Variants in CABCOCO1 observed in about 807,000 individuals in gnomAD.
The protein encoded by CABCOCO1 is ciliary-associated calcium-binding coiled-coil protein 1.
Under a neutral mutation model 35.7 loss-of-function variants are expected in CABCOCO1, and 28 were observed. The observed-to-expected ratio is 0.78, with a 90% CI of 0.58 to 1.07. CABCOCO1 has a LOEUF of 1.07. CABCOCO1 is among the 50% of genes least tolerant of loss of function. The probability of loss-of-function intolerance (pLI) is 0.00; values close to 1 mark genes in which losing one functional copy is unlikely to be tolerated. For missense variants in CABCOCO1, 326 were observed against 309.2 expected (o/e 1.05, Z -0.41); for synonymous variants, 95 against 100.1 (o/e 0.95, Z 0.30).
intron 5 of CABCOCO1, among the ~76,000 whole-genome samples, chr10:61,737,186 A>C (rs1225474434): frequency 1.3e-5 from 2 of 151,930 alleles, no homozygotes; most frequent in East Asian, 3.9e-4. Context: ...TGCGACCAAC[A>C]AGCATATGAA....
At chr10:61,714,981 A>G (rs1840824316) in intron 5 of CABCOCO1, among the ~76,000 whole-genome samples, 1 of 152,174 alleles carries the variant, frequency 6.6e-6, no homozygotes, top group Non-Finnish European at 1.5e-5. Flanking sequence ...AGAAGAATGT[A>G]TATTCTGTTG....
intron 5 of CABCOCO1, among the ~76,000 whole-genome samples, chr10:61,743,489 G>A (rs1033744988): frequency 2.6e-5 from 4 of 151,914 alleles, no homozygotes; most frequent in African/African-American, 9.7e-5. Context: ...ATGTTTCTAA[G>A]AAAATTGACT....
chr10:61,718,179 T>A (rs1418316849), intron 5 of CABCOCO1, among the ~76,000 whole-genome samples: 1 of 152,168 alleles, frequency 6.6e-6, no homozygotes, highest in East Asian at 1.9e-4. Context: ...TCTTCCTACT[T>A]GTTTTCCATA....
chr10:61,707,353 A>T lies in CABCOCO1; in HGVS notation c.552+16732A>T, dbSNP rs372057165. Among the ~76,000 whole-genome samples the T allele has an allele frequency of 2.1e-4, 32 of 152,304 alleles. No homozygotes were observed. In the East Asian group the frequency reaches 6.2e-3, roughly 29 times the overall value. On this transcript the variant is annotated intron_variant, in intron 5 of 7. Transcript: ENST00000648843. The stretch of plus-strand genomic sequence containing the variant: ...TGCTAGGCTGCTAGGCTTGCCATAC[A>T]GTCAATTAGGTTGTTGTGGCAGAAC...
chr10:61,665,743 C>T (rs901807736), intron 1 of CABCOCO1, among the ~76,000 whole-genome samples: 7 of 151,482 alleles, frequency 4.6e-5, no homozygotes, highest in South Asian at 2.1e-4. Context: ...AAAAATTAGC[C>T]GGGCGTGGTA....
intron 5 of CABCOCO1, among the ~76,000 whole-genome samples, chr10:61,718,952 T>C (rs1414625584): frequency 6.6e-6 from 1 of 152,158 alleles, no homozygotes; most frequent in Non-Finnish European, 1.5e-5. Context: ...TCCAGTAAAA[T>C]TGTCAAATGA....
chr10:61,751,054 G>T (rs1450860656), intron 5 of CABCOCO1, among the ~76,000 whole-genome samples: 1 of 152,108 alleles, frequency 6.6e-6, no homozygotes, highest in Non-Finnish European at 1.5e-5. Flanking sequence ...ACTTCACAGA[G>T]TTGATTGAGC....
intron 7 of CABCOCO1, among the ~76,000 whole-genome samples, chr10:61,763,520 A>C (rs1842049907): frequency 6.6e-6 from 1 of 152,080 alleles, no homozygotes; most frequent in Non-Finnish European, 1.5e-5. Context: ...TGTAATAAAA[A>C]TTATACCCAA....
chr10:61,682,894 T>TCTTTTTC (rs10626363), intron 3 of CABCOCO1, among the ~76,000 whole-genome samples: 3 of 147,990 alleles, frequency 2.0e-5, no homozygotes, highest in Non-Finnish European at 3.0e-5. Context: ...AATTTCTTTT[T>TCTTTTTC]TTTTTTTTTT....
chr10:61,730,285 A>C (rs899538727), intron 5 of CABCOCO1, among the ~76,000 whole-genome samples: 2 of 152,078 alleles, frequency 1.3e-5, no homozygotes, highest in African/African-American at 4.8e-5. Context: ...GAATGATGGG[A>C]TCTTGCCCAA....
Position 61,686,226 on chromosome 10 carries a change from T to A in CABCOCO1, c.479+41T>A, listed in dbSNP as rs1839958372. The stretch of plus-strand genomic sequence containing the variant: ...AGTAACATTTATTTTTCATTTCACA[T>A]CTTCTGGAAAATGTCTGTTAAGTAA... On this transcript the variant is annotated intron_variant, in intron 4 of 7. Transcript: ENST00000648843. The A allele has an allele frequency of 2.7e-6, 4 of 1,456,060 alleles. No homozygotes were observed. In the Middle Eastern group the frequency reaches 6.0e-4, roughly 217 times the overall value. 90.2% of individuals were successfully genotyped at this position (1,456,060 alleles called of 1,614,324 possible).
chr10:61,687,620 C>T (rs1840007320), intron 4 of CABCOCO1, among the ~76,000 whole-genome samples: 1 of 152,144 alleles, frequency 6.6e-6, no homozygotes, highest in Non-Finnish European at 1.5e-5. Context: ...CATCTCGTCT[C>T]TCTGGGCAAA....
At chr10:61,741,468 T>C (rs1841548241) in intron 5 of CABCOCO1, among the ~76,000 whole-genome samples, 1 of 152,174 alleles carries the variant, frequency 6.6e-6, no homozygotes, top group Admixed American at 6.5e-5. Flanking sequence ...GTTTCCTGCA[T>C]AAAATAACCT....
chr10:61,680,467 A>T (rs1450574569), intron 2 of CABCOCO1, among the ~76,000 whole-genome samples: 1 of 46,604 alleles, frequency 2.1e-5, no homozygotes, highest in African/African-American at 8.4e-5. Context: ...TAACATATAT[A>T]ATATATATTT....
intron 2 of CABCOCO1, among the ~76,000 whole-genome samples, chr10:61,678,281 T>C (rs1839586371): frequency 6.6e-6 from 1 of 152,176 alleles, no homozygotes; most frequent in South Asian, 2.1e-4. Flanking sequence ...GTTTTCATTA[T>C]TGTGGCAGTT....
At chr10:61,703,831 C>T (rs1477586172) in intron 5 of CABCOCO1, among the ~76,000 whole-genome samples, 1 of 152,148 alleles carries the variant, frequency 6.6e-6, no homozygotes, top group Non-Finnish European at 1.5e-5. Flanking sequence ...ATATCTTTAG[C>T]TTTCTTTAAA....
At chr10:61,747,884 G>A (rs16916563) in intron 5 of CABCOCO1, among the ~76,000 whole-genome samples, 40,537 of 152,020 alleles carry the variant, frequency 0.27, 6,215 homozygotes, top group African/African-American at 0.43. Flanking sequence ...CATCAAGGCT[G>A]TCTTCATGCA....
At chr10:61,668,963 A>G (rs1326877857) in intron 1 of CABCOCO1, among the ~76,000 whole-genome samples, 1 of 149,832 alleles carries the variant, frequency 6.7e-6, no homozygotes. Flanking sequence ...TTCAGCTCCA[A>G]TATGGCTTAG....
intron 2 of CABCOCO1, among the ~76,000 whole-genome samples, chr10:61,680,206 G>A (rs1839667045): frequency 6.6e-6 from 1 of 150,588 alleles, no homozygotes; most frequent in South Asian, 2.1e-4. Context: ...CAGTTACTCT[G>A]GAGGCTGAGG....
Sources: allele counts gnomAD v4.1 joint callset (sites outside exome capture counted in the v4.1 genomes callset), GRCh38; gene constraint gnomAD v4.1.1; transcripts MANE v1.5; gene names NCBI Gene and HGNC (gene_info 2026-07-23, HGNC 2026-07-21).